DNAH9: variants seen among roughly 807,000 people sequenced by gnomAD.
The protein encoded by DNAH9 is DNAH9 variant protein.
In DNAH9, 345 loss-of-function variants were observed where a neutral mutation model predicts 471.6. The observed-to-expected ratio is 0.73, with a 90% CI of 0.67 to 0.80. DNAH9 has a LOEUF of 0.80. DNAH9 is among the 30% of genes least tolerant of loss of function. The pLI, the probability that DNAH9 is intolerant of heterozygous loss-of-function variation, is 0.00. For synonymous variants in DNAH9, 2,093 were observed against 2,123.6 expected (o/e 0.99, Z 0.40); for missense variants, 5,407 against 5,609.2 (o/e 0.96, Z 1.15).
chr17:11,961,913 T>G lies in DNAH9; in HGVS notation c.12890T>G (p.Leu4297Arg). Residue 4297 changes from leucine to arginine, a missense_variant, in exon 68 of 69, where the codon CTG becomes CGG. Around this residue, in one of 3 missense-constraint regions of DNAH9, gnomAD observed 4,636 missense variants for 4,900.3 expected, o/e 0.95. Transcript: ENST00000262442. ...CACATGGAGAACTTACAGAATGCCCTGTACTTCGATATGGTGCCAGAGTCC... is the reference window on the plus strand; with the variant it reads ...CACATGGAGAACTTACAGAATGCCCGGTACTTCGATATGGTGCCAGAGTCC... ...TSHMENLQNA[L>R]YFDMVPESWA... 1 of 1,613,970 alleles carries G rather than the reference T, an allele frequency of 6.2e-7. No individual in the cohort carries two copies.
At chr17:11,947,594 T>C (rs1242807173) in intron 67 of DNAH9, among the ~76,000 whole-genome samples, 1 of 152,074 alleles carries the variant, frequency 6.6e-6, no homozygotes, top group Non-Finnish European at 1.5e-5. Flanking sequence ...TTTAGATATA[T>C]TGAGTTAAAT....
chr17:11,637,588 C>T (rs916304553), intron 9 of DNAH9, among the ~76,000 whole-genome samples: 30 of 152,002 alleles, frequency 2.0e-4, no homozygotes, highest in Non-Finnish European at 3.5e-4. Flanking sequence ...CAGAGCCAGA[C>T]CCTGTCTCTA....
At chr17:11,729,450 A>G (rs1227921922) in intron 28 of DNAH9, among the ~76,000 whole-genome samples, 9 of 152,172 alleles carry the variant, frequency 5.9e-5, no homozygotes, top group African/African-American at 1.4e-4. Context: ...GCCGCACACC[A>G]TATAATCAAA....
At chr17:11,931,219 A>G (rs1387362092) in intron 63 of DNAH9, among the ~76,000 whole-genome samples, 1 of 152,162 alleles carries the variant, frequency 6.6e-6, no homozygotes, top group Non-Finnish European at 1.5e-5. Context: ...GAATTCAAGG[A>G]GAGGGTTCCA....
At chr17:11,854,692 A>G (rs1206947651) in intron 50 of DNAH9, among the ~76,000 whole-genome samples, 1 of 152,206 alleles carries the variant, frequency 6.6e-6, no homozygotes, top group African/African-American at 2.4e-5. Context: ...ACAAAAGGTT[A>G]AAATTTTGAG....
chr17:11,955,265 T>C (rs777972844), intron 67 of DNAH9, among the ~76,000 whole-genome samples: 2 of 152,096 alleles, frequency 1.3e-5, no homozygotes, highest in African/African-American at 2.4e-5. Flanking sequence ...AATAGCAGAA[T>C]TGAGTAGTGT....
chr17:11,672,236 C>T (rs1257116824), intron 17 of DNAH9, among the ~76,000 whole-genome samples: 2 of 152,190 alleles, frequency 1.3e-5, no homozygotes, highest in East Asian at 1.9e-4. Flanking sequence ...CCTAATCTGA[C>T]TCAACCCCTA....
chr17:11,847,708 T>C (rs950452176), intron 49 of DNAH9, among the ~76,000 whole-genome samples: 1 of 152,174 alleles, frequency 6.6e-6, no homozygotes, highest in African/African-American at 2.4e-5. Context: ...TTCGTTCTGC[T>C]CCCCTCCTCT....
At chr17:11,815,426 T>C (rs1026886818) in intron 45 of DNAH9, among the ~76,000 whole-genome samples, 2 of 152,144 alleles carry the variant, frequency 1.3e-5, no homozygotes, top group South Asian at 2.1e-4. Context: ...CCTTAACTTA[T>C]CTCTCTACTT....
At chr17:11,818,057 C>G (rs1005754843) in intron 45 of DNAH9, among the ~76,000 whole-genome samples, 1 of 152,200 alleles carries the variant, frequency 6.6e-6, no homozygotes, top group African/African-American at 2.4e-5. Context: ...ATGACTGATA[C>G]AATCACAATT....
intron 41 of DNAH9, among the ~76,000 whole-genome samples, chr17:11,792,051 G>A (rs1458475428): frequency 1.3e-5 from 2 of 152,106 alleles, no homozygotes; most frequent in African/African-American, 4.8e-5. Context: ...GGGGGCCGAG[G>A]TGGGTGGATC....
chr17:11,959,236 A>G lies in DNAH9; in HGVS notation c.12844-2631A>G, dbSNP rs529456555. 3.1e-4 allele frequency among the ~76,000 whole-genome samples: 47 copies of G among 152,334 alleles called. 1 individual carries two copies. Among genetic ancestry groups the G allele is most frequent in the African/African-American group, 1.1e-3 (45 of 41,582 alleles). ...TTTTCCATCCTCATCACTTTTGTTCATCATTGCCATGAATGTCCTTCATAA... is the reference window on the plus strand; with the variant it reads ...TTTTCCATCCTCATCACTTTTGTTCGTCATTGCCATGAATGTCCTTCATAA... On this transcript the variant is annotated intron_variant, in intron 67 of 68. Transcript: ENST00000262442.
chr17:11,664,000 A>G (rs528500795), intron 14 of DNAH9, among the ~76,000 whole-genome samples: 59 of 152,358 alleles, frequency 3.9e-4, no homozygotes, highest in Middle Eastern at 6.8e-3. Flanking sequence ...TAACATGGCA[A>G]TACACCCTGA....
chr17:11,747,736 A>C lies in DNAH9; in HGVS notation c.6580A>C (p.Ile2194Leu). The change falls in exon 32 of 69, where the codon ATC (isoleucine) becomes CTC (leucine). Residue 2194 changes from isoleucine (I) to leucine (L), a missense_variant. Around this residue, in one of 3 missense-constraint regions of DNAH9, gnomAD observed 4,636 missense variants for 4,900.3 expected, o/e 0.95. Transcript: ENST00000262442. ...CACAAATGATGAGCTCTTTGGCATC[A>C]TCAATCCAGCCACAGGAGAATGGAA... ...AVTNDELFGI[I>L]NPATGEWKDG... is the part of the protein sequence containing the mutation. 2 of 1,614,148 alleles carry C rather than the reference A, an allele frequency of 1.2e-6. No homozygotes were observed. The highest frequency in any genetic ancestry group is 1.7e-6 in the Non-Finnish European group (2 of 1,180,006).
chr17:11,659,163 G>C (rs1374315621), intron 14 of DNAH9, among the ~76,000 whole-genome samples: 1 of 151,482 alleles, frequency 6.6e-6, no homozygotes, highest in Non-Finnish European at 1.5e-5. Flanking sequence ...TTAGATAGAT[G>C]AAAGACTATT....
chr17:11,836,693 A>C (rs1052873649), intron 49 of DNAH9, among the ~76,000 whole-genome samples: 1 of 152,110 alleles, frequency 6.6e-6, no homozygotes, highest in Non-Finnish European at 1.5e-5. Flanking sequence ...TTCCGTCTAA[A>C]TCTTACCCAA....
At chr17:11,794,036 ATTTTTTTTTT>A (rs35741238) in intron 42 of DNAH9, among the ~76,000 whole-genome samples, 3 of 80,900 alleles carry the variant, frequency 3.7e-5, no homozygotes, top group Admixed American at 1.5e-4. Flanking sequence ...ATTTTGAGCA[ATTTTTTTTTT>A]TTTTTTTTTT....
chr17:11,789,528 A>G (rs1045654091), intron 41 of DNAH9, among the ~76,000 whole-genome samples: 1 of 151,894 alleles, frequency 6.6e-6, no homozygotes, highest in Non-Finnish European at 1.5e-5. Context: ...CCTCTTCCTT[A>G]TGTTGGGTAT....
At chr17:11,967,516 A>G (rs1318005830) in intron 68 of DNAH9, among the ~76,000 whole-genome samples, 2 of 152,252 alleles carry the variant, frequency 1.3e-5, no homozygotes, top group African/African-American at 4.8e-5. Flanking sequence ...AAGAGAAGAC[A>G]GTAATGGAGA....
Sources: allele counts gnomAD v4.1 joint callset (sites outside exome capture counted in the v4.1 genomes callset), GRCh38; gene constraint gnomAD v4.1.1; regional missense constraint gnomAD v4.1.1; transcripts MANE v1.5; gene names NCBI Gene and HGNC (gene_info 2026-07-23, HGNC 2026-07-21).